Variants in RPH3A observed in about 807,000 individuals in gnomAD.
RPH3A encodes the protein rabphilin-3A.
In RPH3A, 48 loss-of-function variants were observed where a neutral mutation model predicts 102.2. The observed-to-expected ratio is 0.47, with a 90% CI of 0.37 to 0.60. RPH3A has a LOEUF of 0.60. Among genes scored for constraint, RPH3A ranks in the 20% least tolerant of loss-of-function variants. The probability of loss-of-function intolerance (pLI) is 0.00; values close to 1 mark genes in which losing one functional copy is unlikely to be tolerated. For synonymous variants in RPH3A, 310 were observed against 324.3 expected, an observed-to-expected ratio of 0.96 and a Z score of 0.47; for missense variants, 781 against 910.1, an observed-to-expected ratio of 0.86 and a Z score of 1.83.
At chr12:112,702,236 C>T (rs2189274) in intron 1 of RPH3A, among the ~76,000 whole-genome samples, 37,653 of 152,188 alleles carry the variant, frequency 0.25, 5,026 homozygotes, top group South Asian at 0.37. Context: ...AAACTAACAT[C>T]ATCGCCTCTT....
chr12:112,876,693 C>T lies in RPH3A; in HGVS notation c.998C>T (p.Thr333Ile). The change falls in exon 13 of 22, where the codon ACA becomes ATA. Residue 333 changes from threonine (T) to isoleucine (I), a missense_variant. Physicochemically the swap from Thr to Ile is moderately conservative, Grantham distance 89. Around this residue, in one of 2 missense-constraint regions of RPH3A, gnomAD observed 730 missense variants for 810.0 expected, o/e 0.90. Coordinates refer to ENST00000389385, the MANE Select transcript of RPH3A (RefSeq NM_001143854.2). ...ACTGCCCCACCCCGAGAGGAGAGAACAGGGGGAGTCGGGGGCTACCCAGCA... is the reference window on the plus strand; with the variant it reads ...ACTGCCCCACCCCGAGAGGAGAGAATAGGGGGAGTCGGGGGCTACCCAGCA... The part of the protein sequence containing the change: ...GTTAPPREER[T>I]GGVGGYPAVG... The T allele has an allele frequency of 6.2e-7, 1 of 1,613,546 alleles. No individual in the cohort carries two copies. Among genetic ancestry groups the T allele is most frequent in the Non-Finnish European group, 8.5e-7 (1 of 1,179,776 alleles).
At chr12:112,581,071 C>T (rs2039397588) in intron 1 of RPH3A, among the ~76,000 whole-genome samples, 1 of 152,162 alleles carries the variant, frequency 6.6e-6, no homozygotes, top group Non-Finnish European at 1.5e-5. Flanking sequence ...TGGTTACTTC[C>T]TGCAAGTTTT....
chr12:112,635,052 AC>A (rs1480006292), intron 1 of RPH3A, among the ~76,000 whole-genome samples: 1 of 152,222 alleles, frequency 6.6e-6, no homozygotes, highest in African/African-American at 2.4e-5. Flanking sequence ...ATCTAAGAAA[AC>A]TAATAAATAA....
At chr12:112,609,646 T>C (rs1759064981) in intron 1 of RPH3A, among the ~76,000 whole-genome samples, 1 of 152,204 alleles carries the variant, frequency 6.6e-6, no homozygotes, top group African/African-American at 2.4e-5. Flanking sequence ...GTTGTGAGAC[T>C]GGATTTGGTC....
intron 5 of RPH3A, among the ~76,000 whole-genome samples, chr12:112,852,279 T>TG (rs1304334346): frequency 1.3e-5 from 2 of 152,202 alleles, no homozygotes; most frequent in Non-Finnish European, 2.9e-5. Flanking sequence ...TCTTAACAGC[T>TG]GGGTCTGGAA....
intron 1 of RPH3A, among the ~76,000 whole-genome samples, chr12:112,661,862 A>C (rs1261920839): frequency 6.6e-6 from 1 of 151,656 alleles, no homozygotes; most frequent in East Asian, 1.9e-4. Context: ...CCCAGCCACC[A>C]CCCACCCCCC....
chr12:112,580,502 C>T (rs1008420467), intron 1 of RPH3A, among the ~76,000 whole-genome samples: 1 of 147,752 alleles, frequency 6.8e-6, no homozygotes, highest in African/African-American at 2.5e-5. Flanking sequence ...CTCCCGAGTT[C>T]GCGCCATTCT....
intron 1 of RPH3A, among the ~76,000 whole-genome samples, chr12:112,601,949 A>G (rs1189039467): frequency 6.6e-6 from 1 of 152,134 alleles, no homozygotes; most frequent in Non-Finnish European, 1.5e-5. Flanking sequence ...TCCAAAAAAT[A>G]AACAAACCAG....
At chr12:112,762,062 A>G (rs1339897426) in intron 1 of RPH3A, among the ~76,000 whole-genome samples, 72 of 152,240 alleles carry the variant, frequency 4.7e-4, no homozygotes, top group Non-Finnish European at 2.9e-4. Flanking sequence ...GATGTGTGGA[A>G]TCAGTGGAAA....
chr12:112,652,364 C>T (rs1325144767), intron 1 of RPH3A, among the ~76,000 whole-genome samples: 3 of 152,174 alleles, frequency 2.0e-5, no homozygotes, highest in Non-Finnish European at 4.4e-5. Flanking sequence ...GTAGTCCCAG[C>T]TGTTTGGGAG....
At chr12:112,605,504 A>G (rs915802282) in intron 1 of RPH3A, among the ~76,000 whole-genome samples, 4 of 152,218 alleles carry the variant, frequency 2.6e-5, no homozygotes, top group Non-Finnish European at 4.4e-5. Flanking sequence ...AGCTTATACA[A>G]CTTATGGGTG....
At chr12:112,741,259 C>A (rs1299883545) in intron 1 of RPH3A, among the ~76,000 whole-genome samples, 1 of 152,148 alleles carries the variant, frequency 6.6e-6, no homozygotes, top group Non-Finnish European at 1.5e-5. Context: ...TAGGAATTTT[C>A]TCATCAATTG....
chr12:112,650,013 A>C (rs993928045), intron 1 of RPH3A, among the ~76,000 whole-genome samples: 29 of 152,216 alleles, frequency 1.9e-4, no homozygotes, highest in African/African-American at 6.5e-4. Flanking sequence ...TTGGGACTTC[A>C]ACATGTGAAT....
At chr12:112,711,801 A>G (rs2040464389) in intron 1 of RPH3A, among the ~76,000 whole-genome samples, 1 of 152,008 alleles carries the variant, frequency 6.6e-6, no homozygotes, top group South Asian at 2.1e-4. Context: ...TTTTGCTGCA[A>G]TCTCTCTTTC....
chr12:112,838,245 G>A (rs935147690), intron 4 of RPH3A, among the ~76,000 whole-genome samples: 82 of 152,346 alleles, frequency 5.4e-4, no homozygotes, highest in African/African-American at 1.5e-3. Context: ...TGGGGGACAC[G>A]GCATCTGCCA....
intron 1 of RPH3A, among the ~76,000 whole-genome samples, chr12:112,722,087 C>T (rs1179595329): frequency 6.6e-6 from 1 of 152,174 alleles, no homozygotes; most frequent in African/African-American, 2.4e-5. Flanking sequence ...TTTCCATCCC[C>T]ACTCCTCCTC....
rs547960860 is a variant in RPH3A at position 112,581,322 on chromosome 12, T to A, written c.-140+6003T>A. ...GAGGGAACTCCCCTTTATAAAACCA[T>A]CAGACCTCGTGAGGCTTATTCACTA... On this transcript the variant is annotated intron_variant, in intron 1 of 21. Coordinates refer to the RPH3A transcript ENST00000543106. Among the ~76,000 whole-genome samples, 11 of 152,206 alleles carry A rather than the reference T, an allele frequency of 7.2e-5. No individual in the cohort carries two copies. In the South Asian group the frequency reaches 2.1e-3, roughly 29 times the overall value.
rs564265508 is a variant in RPH3A at position 112,698,203 on chromosome 12, C to T, written c.-139-93940C>T. Among the ~76,000 whole-genome samples, 14 of 152,222 alleles carry T rather than the reference C, an allele frequency of 9.2e-5. No homozygotes were observed. In the South Asian group the frequency reaches 1.7e-3, roughly 18 times the overall value. On this transcript the variant is annotated intron_variant, in intron 1 of 21. Transcript: ENST00000543106. ...TTGTGCTAGGACAATTGGATATCCA[C>T]GTGGAAATAAATGAACTTCAACCCA... is the stretch of plus-strand genomic sequence containing the variant.
intron 1 of RPH3A, among the ~76,000 whole-genome samples, chr12:112,620,438 C>A (rs1047803837): frequency 6.6e-6 from 1 of 152,176 alleles, no homozygotes; most frequent in African/African-American, 2.4e-5. Context: ...TTCTCCTGGT[C>A]GTTTCCTTCC....
Sources: gnomAD v4.1 joint callset for allele counts (sites outside exome capture counted in the v4.1 genomes callset) on GRCh38, gnomAD v4.1.1 for gene constraint, gnomAD v4.1.1 regional missense constraint, MANE v1.5 for transcripts, NCBI Gene and HGNC (gene_info 2026-07-23, HGNC 2026-07-21) for gene names.